The following YBX2 variants were observed in gnomAD, a reference collection of about 807,000 sequenced individuals.
The protein encoded by YBX2 is Y-box binding protein 2.
In YBX2, 5 loss-of-function variants were observed where a neutral mutation model predicts 44.4. The observed-to-expected ratio is 0.11, with a 90% CI of 0.06 to 0.24. The LOEUF is 0.24. Among genes scored for constraint, YBX2 ranks in the 10% least tolerant of loss-of-function variants. The pLI is 1.00. For synonymous variants in YBX2, 188 were observed against 216.1 expected (o/e 0.87, Z 1.14); for missense variants, 417 against 526.9 (o/e 0.79, Z 2.04).
At position 7,290,303 on chromosome 17, in the gene YBX2, C is replaced by T; in HGVS notation, c.692G>A (p.Arg231Gln). 2 of 1,613,840 alleles carry T rather than the reference C, an allele frequency of 1.2e-6. No homozygotes were observed. The highest frequency in any genetic ancestry group is 8.5e-7 in the Non-Finnish European group (1 of 1,179,944). The change falls in exon 5 of 9, where the codon CGA (arginine) becomes CAA (glutamine). Residue 231 changes from arginine (R) to glutamine (Q), a missense_variant. Transcript: ENST00000007699. The part of the protein sequence containing the change: ...RRWCPPPFFY[R>Q]RRFVRGPRPP... ...CCGGGGGCCTCGCACAAACCGCCGT[C>T]GGTAGAAGAAGGGTGGGGGGCACCA...
intron 2 of YBX2, chr17:7,292,392 C>T (rs1196135601): frequency 8.4e-6 from 3 of 358,382 alleles, no homozygotes; most frequent in African/African-American, 2.1e-5. Context: ...AACCTGCCAG[C>T]GCTGGGTGCA....
rs1418066974 is a variant in YBX2 at position 7,288,381 on chromosome 17, CA to C, written c.*301del. The C allele has an allele frequency of 5.7e-6, 1 of 175,650 alleles. No individual in the cohort carries two copies. The highest frequency in any genetic ancestry group is 1.2e-5 in the Non-Finnish European group (1 of 81,778). 10.9% of individuals were successfully genotyped at this position (175,650 alleles called of 1,614,324 possible). ...TTGGGGTGGGGGCAAGAAAAGCAAC[CA>C]GGAGGAGGTAAGAGCTGGCTGGTTC... is the stretch of plus-strand genomic sequence containing the variant. On this transcript the variant is annotated 3_prime_UTR_variant, in exon 9 of 9. Transcript: ENST00000007699.
chr17:7,290,168 T>C (rs2072490394), intron 5 of YBX2, 83 bp downstream of exon 5: 1 of 1,611,718 alleles, frequency 6.2e-7, no homozygotes, highest in South Asian at 1.1e-5. Context: ...TCCTCCTTCT[T>C]TGGGGACCCA....
Position 7,291,109 on chromosome 17 carries a change from A to C in YBX2, c.443T>G (p.Val148Gly). ...VGDGETVEFD[V>G]VEGEKGAEAT... ...TCCCCAAACCTTCTCTCCTTCCACG[A>C]CATCAAATTCCACAGTCTCCCCATC... is the stretch of plus-strand genomic sequence containing the variant. The change falls in exon 4 of 9, where the codon GTC becomes GGC. Residue 148 changes from valine (V) to glycine (G), a missense_variant. Val to Gly is a moderately radical substitution (Grantham distance 109, BLOSUM62 -3). This residue lies in a region of YBX2 where 39 missense variants were observed against 123.8 expected (regional missense o/e 0.32). Coordinates refer to ENST00000007699, the MANE Select transcript of YBX2 (RefSeq NM_015982.4). The surrounding 1 kb of genome is among the most constrained non-coding windows in gnomAD (Gnocchi z 5.8). 1 of 1,612,692 alleles carries C rather than the reference A, an allele frequency of 6.2e-7. No homozygotes were observed. The highest frequency in any genetic ancestry group is 8.5e-7 in the Non-Finnish European group (1 of 1,180,002).
chr17:7,289,382 G>T (rs222839), intron 7 of YBX2, 148 bp downstream of exon 7: 841,349 of 1,215,858 alleles, frequency 0.69, 299,924 homozygotes, highest in Non-Finnish European at 0.74. Context: ...GCCAGGGGGG[G>T]ACCCAGCAGG....
At position 7,294,100 on chromosome 17, in the gene YBX2, C is replaced by T; in HGVS notation, c.271+130G>A. 2.8e-6 allele frequency: 3 copies of T among 1,065,776 alleles called. No homozygotes were observed. The highest frequency in any genetic ancestry group is 4.3e-5 in the South Asian group (1 of 23,364). 66.0% of individuals were successfully genotyped at this position (1,065,776 alleles called of 1,614,324 possible). The stretch of plus-strand genomic sequence containing the variant: ...GGGAATCCACTTTGGTGCGCAGCTC[C>T]CAGCCCAGTTAGCGCTCTGGGCCTG... On this transcript the variant is annotated intron_variant, in intron 1 of 8. Coordinates refer to ENST00000007699, the MANE Select transcript of YBX2 (RefSeq NM_015982.4). This position sits in a 1 kb window ranked among gnomAD's most constrained non-coding sequence, Gnocchi z 4.6.
In YBX2 at chr17:7,291,099, T is replaced by G; in HGVS notation, c.453A>C (p.Gly151=). 1.2e-6 allele frequency: 2 copies of G among 1,612,468 alleles called. No individual in the cohort carries two copies. The highest frequency in any genetic ancestry group is 2.2e-5 in the South Asian group (2 of 91,006). ...CCCATAGCAGTCCCCAAACCTTCTC[T>G]CCTTCCACGACATCAAATTCCACAG... ...GETVEFDVVE[G]EKGAEATNVT... The change falls in exon 4 of 9, where the codon GGA becomes GGC. Residue 151 remains glycine, a synonymous_variant. Transcript: ENST00000007699. This position sits in a 1 kb window ranked among gnomAD's most constrained non-coding sequence, Gnocchi z 5.8.
chr17:7,289,095 C>T (rs58473972), intron 7 of YBX2, among the ~76,000 whole-genome samples: 2,525 of 152,276 alleles, frequency 0.017, 89 homozygotes, highest in African/African-American at 0.058. Context: ...CTCCTGACCC[C>T]AACTGATCTG....
In YBX2 at chr17:7,289,560, G is replaced by C. The variant is rs1227240002; in HGVS notation, c.1014C>G (p.Ala338=). ...GGGCTGCGGGCTGCCGGGGGCCAGG[G>C]GCCTGCTGGGGGCCAGGGGCCTGCT... ...RRQQAPGPQQ[A]PGPRQPAAPE... The change falls in exon 7 of 9, where the codon GCC becomes GCG. Residue 338 remains alanine (A), a synonymous_variant. Transcript: ENST00000007699. 1 of 1,605,546 alleles carries C rather than the reference G, an allele frequency of 6.2e-7. No individual in the cohort carries two copies. Among genetic ancestry groups the C allele is most frequent in the African/African-American group, 1.4e-5 (1 of 71,640 alleles).
In YBX2 at chr17:7,294,433, G is replaced by T; in HGVS notation, c.68C>A (p.Ala23Glu). ...VPAATVPATA[A>E]GVVAVVVPVP... ...CGGTACCACCACCGCTACCACCCCT[G>T]CCGCCGTCGCGGGCACCGTCGCCGC... The change falls in exon 1 of 9, where the codon GCA (alanine) becomes GAA (glutamate). Residue 23 changes from alanine to glutamate, a missense_variant. Coordinates refer to ENST00000007699, the MANE Select transcript of YBX2 (RefSeq NM_015982.4). The surrounding 1 kb of genome is among the most constrained non-coding windows in gnomAD (Gnocchi z 4.6). 1.4e-6 allele frequency: 2 copies of T among 1,473,218 alleles called. No individual in the cohort carries two copies. The highest frequency in any genetic ancestry group is 1.8e-6 in the Non-Finnish European group (2 of 1,115,446). 91.3% of individuals were successfully genotyped at this position (1,473,218 alleles called of 1,614,324 possible). A position where few individuals can be genotyped will look rare whatever the true frequency, so the allele number is the denominator to read the frequency against.
At chr17:7,290,137 C>A in intron 5 of YBX2, 66 bp from the exon 6 acceptor site, 1 of 1,610,132 alleles carries the variant, frequency 6.2e-7, no homozygotes, top group Non-Finnish European at 8.5e-7. Context: ...AGATTATCCA[C>A]AGCTCTGCCC....
intron 7 of YBX2, 94 bp from the exon 8 acceptor site, chr17:7,288,932 G>T: frequency 6.7e-7 from 1 of 1,489,778 alleles, no homozygotes; most frequent in South Asian, 1.2e-5. Flanking sequence ...GCGTGATCTT[G>T]GCTCACTGCA....
rs1243299128 is a variant in YBX2 at position 7,288,341 on chromosome 17, A to G, written c.*342T>C. The G allele has an allele frequency of 1.1e-5, 2 of 174,816 alleles. No homozygotes were observed. Among genetic ancestry groups the G allele is most frequent in the African/African-American group, 4.8e-5 (2 of 41,796 alleles). 10.8% of individuals were successfully genotyped at this position (174,816 alleles called of 1,614,324 possible). ...GGCTTCAGAGGTAGGGGGCCGGGGG[A>G]AAACAAAAATAAACTTGGGGTGGGG... On this transcript the variant is annotated 3_prime_UTR_variant, in exon 9 of 9. Transcript: ENST00000007699.
Position 7,294,037 on chromosome 17 carries a change from CCTCT to C in YBX2, c.271+189_271+192del. 1.6e-6 allele frequency: 1 copy of C among 642,098 alleles called. No homozygotes were observed. Among genetic ancestry groups the C allele is most frequent in the Non-Finnish European group, 2.2e-6 (1 of 445,206 alleles). The allele number at this position is 642,098 out of a possible 1,614,324, so 39.8% of individuals were successfully genotyped here. On this transcript the variant is annotated intron_variant, in intron 1 of 8. Transcript: ENST00000007699. The surrounding 1 kb of genome is among the most constrained non-coding windows in gnomAD (Gnocchi z 4.6). ...CCTTAGCTGAACCTGCCGGCCCCGC[CCTCT>C]CTCCCAGGAAGGTACGGCAGGATTT...
At chr17:7,288,873 T>C in intron 7 of YBX2, 35 bp from the exon 8 acceptor site, 1 of 1,612,700 alleles carries the variant, frequency 6.2e-7, no homozygotes. Flanking sequence ...AGACTTGTTC[T>C]TTTTGTTTTT....
At chr17:7,289,269 C>T (rs937365350) in intron 7 of YBX2, among the ~76,000 whole-genome samples, 1 of 147,124 alleles carries the variant, frequency 6.8e-6, no homozygotes, top group African/African-American at 2.5e-5. Flanking sequence ...GGTAGGATGG[C>T]TCCAGGCAGC....
Position 7,291,474 on chromosome 17 carries a change from G to C in YBX2, c.370-292C>G, listed in dbSNP as rs1328047134. The C allele has an allele frequency of 2.1e-6, 1 of 474,110 alleles. No homozygotes were observed. The highest frequency in any genetic ancestry group is 3.3e-5 in the Admixed American group (1 of 29,966). The allele number at this position is 474,110 out of a possible 1,614,324, so 29.4% of individuals were successfully genotyped here. A position where few individuals can be genotyped will look rare whatever the true frequency, so the allele number is the denominator to read the frequency against. On this transcript the variant is annotated intron_variant, in intron 3 of 8. Transcript: ENST00000007699. This position sits in a 1 kb window ranked among gnomAD's most constrained non-coding sequence, Gnocchi z 5.8. ...GGAGGCAAGAAATATGAACTCCAAA[G>C]CAAAAGGCAGGGACAGCCTTCAGTC...
In YBX2 at chr17:7,293,480, G is replaced by A. The variant is rs745795678; in HGVS notation, c.330C>T (p.Ile110=). The A allele has an allele frequency of 1.2e-6, 2 of 1,614,152 alleles. No individual in the cohort carries two copies. Among genetic ancestry groups the A allele is most frequent in the Non-Finnish European group, 1.7e-6 (2 of 1,180,022 alleles). ...GCCCTGGGTTCCTTGGATACCTGTTGATGAATCCGTAACCATTCCGGACGT... is the reference window on the plus strand; with the variant it reads ...GCCCTGGGTTCCTTGGATACCTGTTAATGAATCCGTAACCATTCCGGACGT... The part of the protein sequence containing the change: ...WFNVRNGYGF[I]NRNDTKEDVF... The change falls in exon 2 of 9, where the codon ATC becomes ATT. Residue 110 remains isoleucine (I), a synonymous_variant. Transcript: ENST00000007699.
At position 7,294,619 on chromosome 17, in the gene YBX2, C is replaced by G. The variant is rs1024803853; in HGVS notation, c.-119G>C. On this transcript the variant is annotated 5_prime_UTR_variant, in exon 1 of 9. Transcript: ENST00000007699. The surrounding 1 kb of genome is among the most constrained non-coding windows in gnomAD (Gnocchi z 4.6). ...GCCTCGCCCACACGCCGGCAGCGGG[C>G]CCGGAGCCGAGGCCAATGGCAGCCC... 3 of 1,170,832 alleles carry G rather than the reference C, an allele frequency of 2.6e-6. No homozygotes were observed. The African/African-American group carries it at 4.9e-5, about 19-fold the overall frequency. The allele number at this position is 1,170,832 out of a possible 1,614,324, so 72.5% of individuals were successfully genotyped here. A position where few individuals can be genotyped will look rare whatever the true frequency, so the allele number is the denominator to read the frequency against.
Sources: allele counts gnomAD v4.1 joint callset (sites outside exome capture counted in the v4.1 genomes callset), GRCh38; gene constraint gnomAD v4.1.1; regional missense constraint gnomAD v4.1.1; non-coding constraint Gnocchi (gnomAD v3.1); transcripts MANE v1.5; gene names NCBI Gene and HGNC (gene_info 2026-07-23, HGNC 2026-07-21).